The following ZNF438 variants were observed in gnomAD, a reference collection of about 807,000 sequenced individuals.
ZNF438 encodes zinc finger protein 438.
Under a neutral mutation model 38.0 loss-of-function variants are expected in ZNF438, and 25 were observed. The ratio of observed to expected loss-of-function variants is 0.66; its 90% CI spans 0.48 to 0.92. ZNF438 has a LOEUF of 0.92. ZNF438 is among the 40% of genes least tolerant of loss of function. The pLI, the probability that ZNF438 is intolerant of heterozygous loss-of-function variation, is 0.00. For missense variants in ZNF438, 1,007 were observed against 999.6 expected (o/e 1.01, Z -0.10); for synonymous variants, 372 against 364.1 (o/e 1.02, Z -0.25).
rs58073544 is a variant in ZNF438 at position 30,845,844 on chromosome 10, G to A, written c.1875-271C>T. Among the ~76,000 whole-genome samples the A allele has an allele frequency of 3.3e-3, 507 of 152,284 alleles. 6 individuals are homozygous for A. Among genetic ancestry groups the A allele is most frequent in the African/African-American group, 0.012 (479 of 41,546 alleles). On this transcript the variant is annotated intron_variant, in intron 5 of 5. Transcript: ENST00000413025. ...GCATCTGTCCCAGGCGAGCTAACTC[G>A]TCTTTGGTTACCACAGGGACAGGAG...
At chr10:30,937,627 G>A (rs2046390937) in intron 2 of ZNF438, among the ~76,000 whole-genome samples, 1 of 152,188 alleles carries the variant, frequency 6.6e-6, no homozygotes, top group African/African-American at 2.4e-5. Flanking sequence ...AATGAGTAAA[G>A]AGATCAAATT....
chr10:31,008,122 C>G (rs927215071), intron 1 of ZNF438, among the ~76,000 whole-genome samples: 11 of 152,138 alleles, frequency 7.2e-5, no homozygotes, highest in Non-Finnish European at 1.3e-4. Context: ...AAAGTTGAGT[C>G]ATGGCATAAA....
intron 1 of ZNF438, among the ~76,000 whole-genome samples, chr10:31,017,654 C>A (rs2056299353): frequency 1.3e-5 from 2 of 152,208 alleles, no homozygotes; most frequent in South Asian, 4.1e-4. Context: ...CTCTCTTCAA[C>A]CCTCTCTTGA....
At chr10:30,939,670 A>C (rs1303422289) in intron 2 of ZNF438, among the ~76,000 whole-genome samples, 1 of 152,202 alleles carries the variant, frequency 6.6e-6, no homozygotes, top group Non-Finnish European at 1.5e-5. Context: ...AACTACTGAA[A>C]ACCAAGAAGC....
chr10:31,019,648 C>G (rs1295165241), intron 1 of ZNF438, among the ~76,000 whole-genome samples: 2 of 152,190 alleles, frequency 1.3e-5, no homozygotes, highest in Admixed American at 1.3e-4. Flanking sequence ...AAGGCAGAGG[C>G]AGACAATTCA....
intron 4 of ZNF438, among the ~76,000 whole-genome samples, chr10:30,870,540 T>C (rs1432964844): frequency 6.6e-6 from 1 of 152,206 alleles, no homozygotes; most frequent in Non-Finnish European, 1.5e-5. Context: ...AGAACTGGGA[T>C]GTGCTCTACG....
At chr10:30,915,519 C>T (rs932974558) in intron 2 of ZNF438, among the ~76,000 whole-genome samples, 6 of 151,964 alleles carry the variant, frequency 3.9e-5, no homozygotes, top group African/African-American at 1.4e-4. Flanking sequence ...TTGGGGTAAG[C>T]CCTTAACATT....
intron 4 of ZNF438, among the ~76,000 whole-genome samples, chr10:30,862,266 T>C (rs1294248029): frequency 6.6e-6 from 1 of 152,136 alleles, no homozygotes; most frequent in African/African-American, 2.4e-5. Context: ...GCAAGAAATC[T>C]TCCACCAACA....
At chr10:30,851,308 C>T (rs2033584517) in intron 4 of ZNF438, among the ~76,000 whole-genome samples, 1 of 152,220 alleles carries the variant, frequency 6.6e-6, no homozygotes, top group Non-Finnish European at 1.5e-5. Flanking sequence ...ATTAAGGAAA[C>T]ATTTTGGTGT....
intron 4 of ZNF438, among the ~76,000 whole-genome samples, chr10:30,863,987 A>G (rs4749628): frequency 0.64 from 97,688 of 151,922 alleles, 32,531 homozygotes; most frequent in African/African-American, 0.82. Flanking sequence ...GGCGGCCCAC[A>G]TTCCTTCCTC....
chr10:30,946,317 T>C (rs1027719147), intron 1 of ZNF438, among the ~76,000 whole-genome samples: 2 of 152,084 alleles, frequency 1.3e-5, no homozygotes, highest in African/African-American at 2.4e-5. Flanking sequence ...CCAAAAGCAA[T>C]GGCAACAAAA....
chr10:30,981,013 C>T (rs1003548469), intron 1 of ZNF438, among the ~76,000 whole-genome samples: 14 of 152,222 alleles, frequency 9.2e-5, no homozygotes, highest in Non-Finnish European at 1.8e-4. Flanking sequence ...TACCCCATCC[C>T]TGGTCTCTGG....
At chr10:30,999,163 AAAC>A (rs2054388245) in intron 1 of ZNF438, among the ~76,000 whole-genome samples, 1 of 152,212 alleles carries the variant, frequency 6.6e-6, no homozygotes. Context: ...TTTCCTATAG[AAAC>A]AACATTACTA....
chr10:30,985,777 G>T (rs563362856), intron 1 of ZNF438, among the ~76,000 whole-genome samples: 12 of 152,128 alleles, frequency 7.9e-5, no homozygotes, highest in Non-Finnish European at 1.2e-4. Context: ...GGAAATTCAG[G>T]GTTGGGTTCC....
intron 1 of ZNF438, among the ~76,000 whole-genome samples, chr10:31,021,456 TG>T (rs1369846959): frequency 1.3e-5 from 2 of 152,172 alleles, no homozygotes; most frequent in Admixed American, 1.3e-4. Context: ...ACTGAAATAT[TG>T]GGTTGGTGCA....
chr10:31,001,188 C>A (rs1342022339), intron 1 of ZNF438, among the ~76,000 whole-genome samples: 2 of 152,154 alleles, frequency 1.3e-5, no homozygotes, highest in Non-Finnish European at 2.9e-5. Context: ...GTATTTCAGT[C>A]ATTGGCAGAT....
chr10:31,025,184 AG>A (rs2056861710), intron 1 of ZNF438, among the ~76,000 whole-genome samples: 2 of 152,252 alleles, frequency 1.3e-5, no homozygotes, highest in Admixed American at 1.3e-4. Context: ...ATAAAAAAGG[AG>A]GAACAGAAGG....
chr10:31,016,809 A>G (rs576468924), intron 1 of ZNF438, among the ~76,000 whole-genome samples: 1 of 152,320 alleles, frequency 6.6e-6, no homozygotes, highest in East Asian at 1.9e-4. Context: ...AAGAAATACA[A>G]TTTCTTTGTA....
chr10:30,918,800 A>C (rs1274136585), intron 2 of ZNF438, among the ~76,000 whole-genome samples: 1 of 152,220 alleles, frequency 6.6e-6, no homozygotes, highest in African/African-American at 2.4e-5. Flanking sequence ...CATTTTAAGT[A>C]GATTATCTGA....
Sources: allele counts gnomAD v4.1 joint callset (sites outside exome capture counted in the v4.1 genomes callset), GRCh38; gene constraint gnomAD v4.1.1; transcripts MANE v1.5; gene names NCBI Gene and HGNC (gene_info 2026-07-23, HGNC 2026-07-21).